CPLANE1: variants seen among roughly 807,000 people sequenced by gnomAD.
CPLANE1 encodes the protein ciliogenesis and planar polarity effector 1.
A neutral mutation model predicts 362.5 loss-of-function variants in CPLANE1; 263 were observed. The observed-to-expected ratio is 0.73, with a 90% CI of 0.66 to 0.80. The LOEUF is 0.80. CPLANE1 is among the 30% of genes least tolerant of loss of function. CPLANE1 has a pLI of 0.00. For synonymous variants in CPLANE1, 1,212 were observed against 1,302.6 expected, an observed-to-expected ratio of 0.93 and a Z score of 1.50; for missense variants, 3,461 against 3,793.4, an observed-to-expected ratio of 0.91 and a Z score of 2.30.
At chr5:37,240,161 A>T (rs1800025915) in intron 6 of CPLANE1, among the ~76,000 whole-genome samples, 1 of 152,174 alleles carries the variant, frequency 6.6e-6, no homozygotes, top group African/African-American at 2.4e-5. Flanking sequence ...AGACCAGCCT[A>T]GCCAACAGGT....
chr5:37,079,091 A>G, the CPLANE1 span, among the ~76,000 whole-genome samples: 1 of 152,154 alleles, frequency 6.6e-6, no homozygotes, highest in African/African-American at 2.4e-5. Context: ...TTGTGTTGCA[A>G]GTGATTTTGG....
intron 9 of CPLANE1, 138 bp from the exon 10 acceptor site, chr5:37,227,955 G>T: frequency 1.3e-6 from 1 of 773,260 alleles, no homozygotes; most frequent in Non-Finnish European, 2.0e-6. Context: ...TATTAAATGT[G>T]TTTATATCTT....
chr5:37,233,252 G>A (rs904121191), intron 8 of CPLANE1, among the ~76,000 whole-genome samples: 3 of 152,172 alleles, frequency 2.0e-5, no homozygotes, highest in Non-Finnish European at 4.4e-5. Flanking sequence ...CAGGGAGGAA[G>A]AGGGGAGACC....
chr5:37,239,937 A>T, intron 6 of CPLANE1, 68 bp from the exon 7 acceptor site: 2 of 1,162,420 alleles, frequency 1.7e-6, no homozygotes, highest in Middle Eastern at 2.1e-4. Flanking sequence ...GTAGTTCATT[A>T]CAAAAATTAA....
At position 37,229,080 on chromosome 5, in the gene CPLANE1, C is replaced by T. The variant is rs546449332; in HGVS notation, c.1122-1263G>A. 3.4e-3 allele frequency among the ~76,000 whole-genome samples: 519 copies of T among 151,606 alleles called. 2 individuals are homozygous for T. The highest frequency in any genetic ancestry group is 0.012 in the African/African-American group (496 of 41,332). On this transcript the variant is annotated intron_variant, in intron 9 of 52. Transcript: ENST00000651892. Reference sequence around the variant, plus strand: ...AGTAAAAATACAAAAATTATCTGGGCGTGGTGGCGCGCGCCTGCAATTCCA... The same window carrying T: ...AGTAAAAATACAAAAATTATCTGGGTGTGGTGGCGCGCGCCTGCAATTCCA...
the CPLANE1 span, among the ~76,000 whole-genome samples, chr5:37,091,818 T>TA: frequency 3.3e-5 from 5 of 152,096 alleles, no homozygotes; most frequent in African/African-American, 9.7e-5. Context: ...ATGGTGTGGC[T>TA]AGGATCCAAC....
In CPLANE1 at chr5:37,173,947, A is replaced by G; in HGVS notation, c.5979T>C (p.Ser1993=). ...MQVDTSSEIS[S]AQISTYKEKS... ...TTTCTTTATATGTAGAAATCTGTGC[A>G]CTGCGTGGAAAGCATTTAAATAAAA... The change falls in exon 32 of 53, where the codon AGT becomes AGC. Residue 1993 remains serine (S), a splice_region_variant and synonymous_variant. Transcript: ENST00000651892. 1 of 1,611,200 alleles carries G rather than the reference A, an allele frequency of 6.2e-7. No individual in the cohort carries two copies. The highest frequency in any genetic ancestry group is 1.1e-5 in the South Asian group (1 of 90,838).
intron 51 of CPLANE1, among the ~76,000 whole-genome samples, chr5:37,113,573 G>A (rs1382476728): frequency 6.6e-6 from 1 of 152,148 alleles, no homozygotes; most frequent in Non-Finnish European, 1.5e-5. Context: ...ACGCATACAT[G>A]GGGGAAAGAG....
intron 46 of CPLANE1, chr5:37,130,381 T>A (rs768852557): frequency 5.1e-6 from 1 of 196,874 alleles, no homozygotes; most frequent in African/African-American, 2.3e-5. Context: ...CCAAAACCTA[T>A]GGAAATTAAT....
chr5:37,113,683 T>C (rs1760032336), intron 51 of CPLANE1, among the ~76,000 whole-genome samples: 1 of 152,108 alleles, frequency 6.6e-6, no homozygotes, highest in African/African-American at 2.4e-5. Flanking sequence ...TAAAAAGAGA[T>C]GGGGTAAACT....
intron 8 of CPLANE1, among the ~76,000 whole-genome samples, chr5:37,237,735 A>G (rs931889681): frequency 2.6e-5 from 4 of 152,204 alleles, no homozygotes; most frequent in Non-Finnish European, 5.9e-5. Flanking sequence ...CTTTAATCCC[A>G]GCTACGCGGG....
Position 37,224,733 on chromosome 5 carries a change from T to G in CPLANE1, c.2299A>C (p.Ile767Leu), listed in dbSNP as rs1267786198. 1.3e-6 allele frequency: 2 copies of G among 1,547,836 alleles called. No homozygotes were observed. Among genetic ancestry groups the G allele is most frequent in the East Asian group, 4.9e-5 (2 of 40,792 alleles). Reference sequence around the variant, plus strand: ...TTTTTGTACAGTATTCTCCAGAGAATAAGCAATCTGCACATAAAATCAGGT... The same window carrying G: ...TTTTTGTACAGTATTCTCCAGAGAAGAAGCAATCTGCACATAAAATCAGGT... ...PVQQPGHRLLILWRILYKKTL... is the reference protein window; with the variant it reads ...PVQQPGHRLLLLWRILYKKTL... The change falls in exon 13 of 53, where the codon ATT becomes CTT. Residue 767 changes from isoleucine (I) to leucine (L), a missense_variant. By Grantham distance (5) the Ile-to-Leu change is conservative (BLOSUM62 2). Around this residue, in one of 2 missense-constraint regions of CPLANE1, gnomAD observed 3,380 missense variants for 3,666.1 expected, o/e 0.92. Coordinates refer to ENST00000651892, the MANE Select transcript of CPLANE1 (RefSeq NM_001384732.1).
intron 39 of CPLANE1, 64 bp from the exon 40 acceptor site, chr5:37,157,932 CAAAAAAAAAA>C (rs1157107088): frequency 2.4e-4 from 16 of 67,848 alleles, no homozygotes; most frequent in Non-Finnish European, 2.9e-4. Context: ...GTCACTCCGC[CAAAAAAAAAA>C]AAAAAAAAAA....
the CPLANE1 span, among the ~76,000 whole-genome samples, chr5:37,078,512 C>T: frequency 1.4e-4 from 21 of 152,096 alleles, no homozygotes; most frequent in East Asian, 1.9e-4. Context: ...AGTGAACATA[C>T]GCATCCATGT....
At chr5:37,248,214 G>T (rs188265805) in intron 1 of CPLANE1, among the ~76,000 whole-genome samples, 2 of 151,718 alleles carry the variant, frequency 1.3e-5, no homozygotes, top group Admixed American at 6.6e-5. Context: ...TGCAACCTCC[G>T]CCTCCCGGGT....
Position 37,168,938 on chromosome 5 carries a change from T to C in CPLANE1, c.7086A>G (p.Leu2362=). The change falls in exon 34 of 53, where the codon CTA becomes CTG. Residue 2362 remains leucine, a synonymous_variant. Coordinates refer to ENST00000651892, the MANE Select transcript of CPLANE1 (RefSeq NM_001384732.1). ...SPHHSFGLPL[L]YLPLKPPNMF... is the part of the protein sequence containing the mutation. ...TATTAGGAGGTTTAAGTGGCAGGTA[T>C]AGTAACGGAAGTCCAAAGGAATGGT... is the stretch of plus-strand genomic sequence containing the variant. The C allele has an allele frequency of 6.2e-7, 1 of 1,614,174 alleles. No individual in the cohort carries two copies. The highest frequency in any genetic ancestry group is 8.5e-7 in the Non-Finnish European group (1 of 1,180,028).
At chr5:37,116,751 C>G (rs994466547) in intron 50 of CPLANE1, among the ~76,000 whole-genome samples, 7 of 152,126 alleles carry the variant, frequency 4.6e-5, no homozygotes, top group African/African-American at 1.2e-4. Context: ...TCTTCATTTA[C>G]GAATGAACTA....
chr5:37,214,121 ATTTTATCAT>A (rs1035454533), intron 15 of CPLANE1, among the ~76,000 whole-genome samples: 4 of 152,170 alleles, frequency 2.6e-5, no homozygotes, highest in African/African-American at 9.7e-5. Context: ...GTAAATAATT[ATTTTATCAT>A]TTAGTACCAT....
chr5:37,076,893 C>CT, the CPLANE1 span, among the ~76,000 whole-genome samples: 1 of 149,814 alleles, frequency 6.7e-6, no homozygotes, highest in Non-Finnish European at 1.5e-5. Context: ...ACTGAAGAAG[C>CT]TGAGTGTGTA....
Sources: gnomAD v4.1 joint callset for allele counts (sites outside exome capture counted in the v4.1 genomes callset) on GRCh38, gnomAD v4.1.1 for gene constraint, gnomAD v4.1.1 regional missense constraint, MANE v1.5 for transcripts, NCBI Gene and HGNC (gene_info 2026-07-23, HGNC 2026-07-21) for gene names.